Variants in PCDHA2 observed in about 807,000 individuals in gnomAD.
The protein encoded by PCDHA2 is protocadherin alpha 2.
PCDHA2 carries 58 observed loss-of-function variants against 66.0 expected under a neutral mutation model. The ratio of observed to expected loss-of-function variants is 0.88; its 90% CI spans 0.71 to 1.09. The LOEUF (loss-of-function observed/expected upper bound fraction) is 1.09. PCDHA2 is among the 50% of genes least tolerant of loss of function. The pLI, the probability that PCDHA2 is intolerant of heterozygous loss-of-function variation, is 0.00. For missense variants in PCDHA2, 1,267 were observed against 1,242.3 expected (o/e 1.02, Z -0.30); for synonymous variants, 634 against 554.0 (o/e 1.14, Z -2.03).
At chr5:140,935,616 C>T (rs1247673748) in intron 1 of PCDHA2, among the ~76,000 whole-genome samples, 13 of 151,976 alleles carry the variant, frequency 8.6e-5, no homozygotes, top group African/African-American at 3.1e-4. Flanking sequence ...TTTTTCAAGT[C>T]GCTTTCAAAT....
At position 140,796,516 on chromosome 5, in the gene PCDHA2, T is replaced by A; in HGVS notation, c.1552T>A (p.Tyr518Asn). 6.2e-7 allele frequency: 1 copy of A among 1,612,400 alleles called. No homozygotes were observed. Among genetic ancestry groups the A allele is most frequent in the Non-Finnish European group, 8.5e-7 (1 of 1,179,822 alleles). Residue 518 changes from tyrosine (Y) to asparagine (N), a missense_variant, in exon 1 of 4, where the codon TAC becomes AAC. Tyr to Asn is a moderately radical substitution (Grantham distance 143, BLOSUM62 -2). Coordinates refer to ENST00000526136, the MANE Select transcript of PCDHA2 (RefSeq NM_018905.3). ...GGTGCACGCGGAGAGCGGCAAGGTG[T>A]ACGCGCTGCAGCCGCTGGACCACGA... The part of the protein sequence containing the change: ...VSVHAESGKV[Y>N]ALQPLDHEEV...
intron 1 of PCDHA2, among the ~76,000 whole-genome samples, chr5:140,939,244 A>AG: frequency 6.6e-6 from 1 of 152,270 alleles, no homozygotes; most frequent in Admixed American, 6.5e-5. Flanking sequence ...GGAGCAAGGT[A>AG]GCTCTCTGGA....
intron 2 of PCDHA2, 103 bp downstream of exon 2, chr5:140,979,110 C>G (rs1223081047): frequency 4.6e-5 from 69 of 1,515,610 alleles, no homozygotes; most frequent in Non-Finnish European, 5.9e-5. Flanking sequence ...AACTAAAAAG[C>G]TTTAGGTACT....
At chr5:140,823,546 G>A in intron 1 of PCDHA2, 1 of 1,613,872 alleles carries the variant, frequency 6.2e-7, no homozygotes. Flanking sequence ...CCACGTGGTG[G>A]CGAAGGTGCG....
At chr5:140,862,839 G>A in intron 1 of PCDHA2, 1 of 574,670 alleles carries the variant, frequency 1.7e-6, no homozygotes, top group Non-Finnish European at 3.3e-6. Flanking sequence ...ACGCGGGCAT[G>A]CCGCCTCTGA....
intron 3 of PCDHA2, among the ~76,000 whole-genome samples, chr5:140,983,513 CTG>C (rs1165213074): frequency 6.6e-6 from 1 of 152,196 alleles, no homozygotes; most frequent in Non-Finnish European, 1.5e-5. Context: ...TGCCTAGACA[CTG>C]TGCCAAGTAC....
intron 1 of PCDHA2, among the ~76,000 whole-genome samples, chr5:140,799,006 C>T (rs536395223): frequency 3.5e-4 from 53 of 152,280 alleles, no homozygotes; most frequent in South Asian, 6.2e-4. Flanking sequence ...TACTTGACCA[C>T]TATGTTTCTA....
rs144630020 is a variant in PCDHA2, at chr5:140,849,710, C to T, written c.2388+52358C>T. 88 of 1,598,490 alleles carry T rather than the reference C, an allele frequency of 5.5e-5. 7 individuals carry two copies. Among genetic ancestry groups the T allele is most frequent in the Middle Eastern group, 1.7e-4 (1 of 5,908 alleles). ...TGGTGTCCACCTACAAGAATTACTA[C>T]TCGTTGGTGCTGGACAGAGCTCTGG... On this transcript the variant is annotated intron_variant, in intron 1 of 3. Transcript: ENST00000526136.
chr5:140,951,543 C>CG (rs1201907714), intron 1 of PCDHA2, among the ~76,000 whole-genome samples: 2 of 151,428 alleles, frequency 1.3e-5, no homozygotes. Flanking sequence ...GAGCAAGGGA[C>CG]GGGGGGAAGT....
At chr5:140,841,453 C>A (rs2150315811) in intron 1 of PCDHA2, 1 of 1,612,918 alleles carries the variant, frequency 6.2e-7, no homozygotes, top group South Asian at 1.1e-5. Flanking sequence ...ACGGCACCTT[C>A]GTGGGCCGGA....
At position 140,810,391 on chromosome 5, in the gene PCDHA2, T is replaced by C. The variant is rs1764650551; in HGVS notation, c.2388+13039T>C. 4 of 152,200 alleles carry C rather than the reference T, an allele frequency of 2.6e-5. No homozygotes were observed. The South Asian group carries it at 8.3e-4, about 31-fold the overall frequency. 9.4% of individuals were successfully genotyped at this position (152,200 alleles called of 1,614,324 possible). On this transcript the variant is annotated intron_variant, in intron 1 of 3. Transcript: ENST00000526136. ...GTCACAGAATATGTGTGTATCTTTG[T>C]CTTTTGTAGCTAACACCAACCAATT...
rs2149919001 is a variant in PCDHA2 at position 140,796,025 on chromosome 5, C to A, written c.1061C>A (p.Ser354Tyr). ...NDNTPEVSIT[S>Y]LSLPISENAS... ...AACACACCAGAAGTCTCAATAACGTCTCTCTCACTTCCCATCTCAGAGAAC... is the reference window on the plus strand; with the variant it reads ...AACACACCAGAAGTCTCAATAACGTATCTCTCACTTCCCATCTCAGAGAAC... The change falls in exon 1 of 4, where the codon TCT becomes TAT. Residue 354 changes from serine to tyrosine, a missense_variant. Transcript: ENST00000526136. The A allele has an allele frequency of 1.2e-6, 2 of 1,614,176 alleles. No individual in the cohort carries two copies. Among genetic ancestry groups the A allele is most frequent in the South Asian group, 2.2e-5 (2 of 91,078 alleles).
chr5:140,883,632 T>C (rs782762437), intron 1 of PCDHA2: 1 of 1,613,936 alleles, frequency 6.2e-7, no homozygotes, highest in South Asian at 1.1e-5. Flanking sequence ...GCGCCGGCGT[T>C]CGCGCAGCCC....
chr5:140,874,403 T>A (rs1013177734), intron 1 of PCDHA2, among the ~76,000 whole-genome samples: 2 of 152,198 alleles, frequency 1.3e-5, no homozygotes, highest in African/African-American at 4.8e-5. Context: ...TGCATAACAG[T>A]CACCATTCTG....
Position 140,827,381 on chromosome 5 carries a change from C to T in PCDHA2, c.2388+30029C>T, listed in dbSNP as rs2150147309. Reference sequence around the variant, plus strand: ...TTTTAAGCAAGAATCCTAATATAAGCTGCAGATAAATTAAATGTGATAAAG... The same window carrying T: ...TTTTAAGCAAGAATCCTAATATAAGTTGCAGATAAATTAAATGTGATAAAG... On this transcript the variant is annotated intron_variant, in intron 1 of 3. Transcript: ENST00000526136. Among the ~76,000 whole-genome samples, 177 of 152,258 alleles carry T rather than the reference C, an allele frequency of 1.2e-3. 1 individual carries two copies. The highest frequency in any genetic ancestry group is 1.7e-3 in the Non-Finnish European group (116 of 67,994).
intron 1 of PCDHA2, among the ~76,000 whole-genome samples, chr5:140,977,308 A>G (rs2096754925): frequency 6.6e-6 from 1 of 152,230 alleles, no homozygotes; most frequent in South Asian, 2.1e-4. Context: ...CAAGCTAACG[A>G]TAGTGCTCCT....
At chr5:140,865,398 G>T (rs1554159421) in intron 1 of PCDHA2, 1 of 152,138 alleles carries the variant, frequency 6.6e-6, no homozygotes, top group African/African-American at 2.4e-5. Flanking sequence ...TAATATAAAT[G>T]CTGAAAAGGA....
chr5:140,967,775 G>A, intron 1 of PCDHA2: 2 of 1,614,200 alleles, frequency 1.2e-6, no homozygotes, highest in South Asian at 2.2e-5. Context: ...CTATGTGCAG[G>A]CGACTGACCG....
intron 1 of PCDHA2, chr5:140,808,597 G>C: frequency 1.2e-6 from 2 of 1,613,948 alleles, no homozygotes; most frequent in Non-Finnish European, 1.7e-6. Flanking sequence ...ACAACCCGCC[G>C]GGCTGCCACA....
Sources: allele counts gnomAD v4.1 joint callset (sites outside exome capture counted in the v4.1 genomes callset), GRCh38; gene constraint gnomAD v4.1.1; transcripts MANE v1.5; gene names NCBI Gene and HGNC (gene_info 2026-07-23, HGNC 2026-07-21).